Variants in BRD10 observed in about 807,000 individuals in gnomAD.
The protein encoded by BRD10 is uncharacterized bromodomain-containing protein 10.
chr9:5,922,894 A>G, the BRD10 span: 1 of 1,613,856 alleles, frequency 6.2e-7, no homozygotes, highest in African/African-American at 1.3e-5. Context: ...GTTTTTCCAC[A>G]GCAAGAGCAT....
the BRD10 span, among the ~76,000 whole-genome samples, chr9:5,893,398 G>C: frequency 6.6e-6 from 1 of 152,160 alleles, no homozygotes; most frequent in East Asian, 1.9e-4. Context: ...TCTTTCTTTG[G>C]AAAGAGCTGT....
chr9:5,944,995 C>T, the BRD10 span: 1 of 1,131,954 alleles, frequency 8.8e-7, no homozygotes, highest in Non-Finnish European at 1.3e-6. Context: ...CTTGATAACA[C>T]ATAATATAAA....
chr9:5,889,890 T>A, the BRD10 span, among the ~76,000 whole-genome samples: 10 of 152,332 alleles, frequency 6.6e-5, 1 homozygote, highest in African/African-American at 2.4e-4. Context: ...TAGGTCATAT[T>A]CTACCTGCAA....
At chr9:5,905,076 T>C in the BRD10 span, among the ~76,000 whole-genome samples, 8 of 152,190 alleles carry the variant, frequency 5.3e-5, no homozygotes, top group African/African-American at 1.9e-4. Context: ...CCCGGCCTTA[T>C]ACTTCTTTTT....
At chr9:5,887,593 A>C in the BRD10 span, among the ~76,000 whole-genome samples, 1 of 152,218 alleles carries the variant, frequency 6.6e-6, no homozygotes, top group Non-Finnish European at 1.5e-5. Flanking sequence ...TCAGAACTGC[A>C]TCCCTCTTTG....
At chr9:5,922,856 G>A in the BRD10 span, 16 of 1,613,878 alleles carry the variant, frequency 9.9e-6, no homozygotes, top group African/African-American at 6.7e-5. Flanking sequence ...TGGCTTTATC[G>A]GGCTTGCTTC....
chr9:5,916,644 G>A, the BRD10 span, among the ~76,000 whole-genome samples: 5 of 151,814 alleles, frequency 3.3e-5, no homozygotes, highest in Non-Finnish European at 7.4e-5. Context: ...AAAAACCATA[G>A]GAAATGAGAG....
the BRD10 span, among the ~76,000 whole-genome samples, chr9:6,004,332 C>T: frequency 1.3e-5 from 2 of 152,190 alleles, no homozygotes; most frequent in Non-Finnish European, 2.9e-5. Context: ...ATCTTTTGAT[C>T]TCAGGGACAT....
chr9:5,937,004 G>A, the BRD10 span, among the ~76,000 whole-genome samples: 2 of 152,138 alleles, frequency 1.3e-5, no homozygotes, highest in Non-Finnish European at 2.9e-5. Flanking sequence ...GGCTGAGGTG[G>A]GTGGATCACA....
the BRD10 span, chr9:6,008,042 C>T: frequency 1.1e-5 from 13 of 1,147,600 alleles, no homozygotes; most frequent in Admixed American, 9.5e-5. Context: ...CCCCTCCCCC[C>T]CGGCGGCGGC....
chr9:5,994,406 G>T, the BRD10 span, among the ~76,000 whole-genome samples: 2 of 151,986 alleles, frequency 1.3e-5, no homozygotes, highest in African/African-American at 4.8e-5. Context: ...CACACAAAAA[G>T]GTTTTCAGGA....
chr9:5,947,042 A>G, the BRD10 span, among the ~76,000 whole-genome samples: 1 of 152,120 alleles, frequency 6.6e-6, no homozygotes, highest in Admixed American at 6.6e-5. Flanking sequence ...TTAATTATCA[A>G]TTAGTTATGA....
the BRD10 span, among the ~76,000 whole-genome samples, chr9:5,907,768 C>T: frequency 6.6e-6 from 1 of 152,132 alleles, no homozygotes; most frequent in African/African-American, 2.4e-5. Context: ...GCCTGGCAAA[C>T]ATGGTGAAAT....
At chr9:5,889,940 C>G in the BRD10 span, among the ~76,000 whole-genome samples, 2 of 152,108 alleles carry the variant, frequency 1.3e-5, no homozygotes, top group Non-Finnish European at 2.9e-5. Context: ...AGATGGAAAC[C>G]CACTATCTCC....
At chr9:5,884,376 G>T in the BRD10 span, among the ~76,000 whole-genome samples, 16 of 152,258 alleles carry the variant, frequency 1.1e-4, no homozygotes, top group African/African-American at 3.9e-4. Flanking sequence ...TGGCGCCCAG[G>T]ACCGGGGCCT....
chr9:5,904,826 T>C, the BRD10 span, among the ~76,000 whole-genome samples: 2 of 149,842 alleles, frequency 1.3e-5, no homozygotes, highest in Non-Finnish European at 3.0e-5. Flanking sequence ...CAGGCTGGAG[T>C]GCAGTGGTAT....
the BRD10 span, among the ~76,000 whole-genome samples, chr9:5,963,891 T>C: frequency 5.9e-5 from 9 of 151,708 alleles, 1 homozygote; most frequent in South Asian, 1.9e-3. Flanking sequence ...TTACACCTTA[T>C]ACAAAAATCA....
chr9:5,886,769 G>T, the BRD10 span, among the ~76,000 whole-genome samples: 1 of 152,192 alleles, frequency 6.6e-6, no homozygotes, highest in East Asian at 1.9e-4. Context: ...GAACTTCTAG[G>T]GGGCTTCCGG....
the BRD10 span, among the ~76,000 whole-genome samples, chr9:5,943,646 G>A: frequency 6.6e-6 from 1 of 151,892 alleles, no homozygotes; most frequent in East Asian, 1.9e-4. Flanking sequence ...GAAACAGATG[G>A]TCTTCCACAT....
Sources: allele counts gnomAD v4.1 joint callset (sites outside exome capture counted in the v4.1 genomes callset), GRCh38; gene constraint gnomAD v4.1.1; transcripts MANE v1.5; gene names NCBI Gene and HGNC (gene_info 2026-07-23, HGNC 2026-07-21).